Variants in SEC14L1 observed in about 807,000 individuals in gnomAD.
SEC14L1 encodes SEC14 like lipid binding 1, also known as SEC14-like protein 1.
In SEC14L1, 48 loss-of-function variants were observed where a neutral mutation model predicts 85.3. The observed-to-expected ratio is 0.56, with a 90% confidence interval of 0.45 to 0.72. SEC14L1 has a LOEUF of 0.72. Among genes scored for constraint, SEC14L1 ranks in the 30% least tolerant of loss-of-function variants. The probability of loss-of-function intolerance (pLI) is 0.00; values close to 1 mark genes in which losing one functional copy is unlikely to be tolerated. For missense variants in SEC14L1, 682 were observed against 921.4 expected (o/e 0.74, Z 3.36); for synonymous variants, 391 against 355.5 (o/e 1.10, Z -1.12).
chr17:77,185,161 A>G lies in SEC14L1; in HGVS notation c.64-5642A>G, dbSNP rs572299870. ...TTTGGACAAGGACTTTGTTTTAGGC[A>G]TTGAAGTCCTCGTTCTCCTGAGGAT... On this transcript the variant is annotated intron_variant, in intron 3 of 16. Coordinates refer to ENST00000436233, the MANE Select transcript of SEC14L1 (RefSeq NM_001143998.2). 16 of 958,404 alleles carry G rather than the reference A, an allele frequency of 1.7e-5. 1 individual carries two copies. In the South Asian group the frequency reaches 5.8e-4, roughly 35 times the overall value. 59.4% of individuals were successfully genotyped at this position (958,404 alleles called of 1,614,324 possible).
intron 3 of SEC14L1, chr17:77,094,680 G>A (rs1250210996): frequency 6.6e-6 from 1 of 151,952 alleles, no homozygotes; most frequent in Non-Finnish European, 1.5e-5. Context: ...TGGCCAGGCT[G>A]GTCTTGAACT....
chr17:77,213,830 G>T lies in SEC14L1; in HGVS notation c.2043-88G>T, dbSNP rs2054567521. The T allele has an allele frequency of 1.3e-6, 2 of 1,502,144 alleles. No homozygotes were observed. The allele number at this position is 1,502,144 out of a possible 1,614,324, so 93.1% of individuals were successfully genotyped here. ...GGATGAGAAGTGAGCAGAGAACAGG[G>T]TGGGCCACGAAGTCCAGCAGGCAGT... On this transcript the variant is annotated intron_variant, in intron 16 of 16. Transcript: ENST00000436233. This position sits in a 1 kb window ranked among gnomAD's most constrained non-coding sequence, Gnocchi z 7.1.
chr17:77,215,351 C>T lies in SEC14L1; in HGVS notation c.*1328C>T, dbSNP rs1357298401. The T allele has an allele frequency of 9.1e-6, 9 of 985,284 alleles. No individual in the cohort carries two copies. The East Asian group carries it at 3.4e-4, about 37-fold the overall frequency. 61.0% of individuals were successfully genotyped at this position (985,284 alleles called of 1,614,324 possible). The stretch of plus-strand genomic sequence containing the variant: ...GCCTCCACGATAAGGACATGCAACA[C>T]GTGTTTCTGTGTGCAGCAGAGGCCG... On this transcript the variant is annotated 3_prime_UTR_variant, in exon 17 of 17. Transcript: ENST00000436233.
intron 3 of SEC14L1, among the ~76,000 whole-genome samples, chr17:77,178,063 C>T (rs1262765391): frequency 1.4e-5 from 2 of 148,128 alleles, no homozygotes; most frequent in Non-Finnish European, 3.0e-5. Context: ...CCTCCCCCCC[C>T]CCTTTTTTTT....
intron 3 of SEC14L1, among the ~76,000 whole-genome samples, chr17:77,101,903 C>A (rs1971787864): frequency 6.6e-6 from 1 of 152,180 alleles, no homozygotes; most frequent in Non-Finnish European, 1.5e-5. Context: ...GTCACCATTT[C>A]TTGTAGTTTA....
rs34186028 is a variant in SEC14L1 at position 77,158,798 on chromosome 17, C to CTTTTTTTTTTTTTTTTTTTTTTTTTT, written c.63+15147_63+15172dup. On this transcript the variant is annotated intron_variant, in intron 3 of 16. Coordinates refer to ENST00000436233, the MANE Select transcript of SEC14L1 (RefSeq NM_001143998.2). ...CAATTACATTTTATAGCTTTCTTTC[C>CTTTTTTTTTTTTTTTTTTTTTTTTTT]TTTTTTTTTTTTTTTTTTTTTTTTT... 2.3e-4 allele frequency among the ~76,000 whole-genome samples: 9 copies of CTTTTTTTTTTTTTTTTTTTTTTTTTT among 39,188 alleles called. 4 individuals are homozygous for CTTTTTTTTTTTTTTTTTTTTTTTTTT. The highest frequency in any genetic ancestry group is 2.2e-4 in the African/African-American group (2 of 8,940). 25.7% of individuals were successfully genotyped at this position (39,188 alleles called of 152,430 possible).
At chr17:77,121,434 C>G (rs1972294146) in intron 3 of SEC14L1, among the ~76,000 whole-genome samples, 1 of 152,224 alleles carries the variant, frequency 6.6e-6, no homozygotes, top group African/African-American at 2.4e-5. Flanking sequence ...TCTCGGCTCA[C>G]TGTAACCTCT....
chr17:77,102,830 C>G (rs950152710), intron 3 of SEC14L1, among the ~76,000 whole-genome samples: 2 of 152,054 alleles, frequency 1.3e-5, no homozygotes, highest in African/African-American at 4.8e-5. Context: ...AAGACAGAGT[C>G]TTACTTTGTG....
intron 3 of SEC14L1, among the ~76,000 whole-genome samples, chr17:77,179,779 A>G (rs372478174): frequency 1.3e-5 from 2 of 151,636 alleles, no homozygotes; most frequent in South Asian, 2.1e-4. Flanking sequence ...GGTTCATGCC[A>G]TTCTCCTGCC....
At chr17:77,126,113 T>C (rs1182573593) in intron 3 of SEC14L1, among the ~76,000 whole-genome samples, 2 of 152,232 alleles carry the variant, frequency 1.3e-5, no homozygotes, top group Non-Finnish European at 2.9e-5. Context: ...ATCGCACCAC[T>C]GCACTCCATC....
At chr17:77,115,301 C>T (rs570925044) in intron 3 of SEC14L1, among the ~76,000 whole-genome samples, 31 of 151,732 alleles carry the variant, frequency 2.0e-4, no homozygotes, top group South Asian at 4.2e-4. Context: ...TGGTGGTGTG[C>T]GCCTGTAATC....
intron 3 of SEC14L1, among the ~76,000 whole-genome samples, chr17:77,127,415 T>C (rs1972482440): frequency 6.6e-6 from 1 of 152,182 alleles, no homozygotes; most frequent in African/African-American, 2.4e-5. Context: ...AGTGGCGCGA[T>C]CTCAGCTCAC....
rs569174953 is a variant in SEC14L1 at position 77,133,345 on chromosome 17, C to T, written c.-135-9301C>T. Among the ~76,000 whole-genome samples the T allele has an allele frequency of 4.6e-5, 7 of 152,348 alleles. No individual in the cohort carries two copies. In the South Asian group the frequency reaches 1.0e-3, roughly 23 times the overall value. ...TACCTCAGGTTAATCCTGCCGGGGG[C>T]GGGAATGTGTCCTGCCACGATGCTT... On this transcript the variant is annotated intron_variant, in intron 3 of 19. Coordinates refer to the SEC14L1 transcript ENST00000392476.
rs147128732 is a variant in SEC14L1, at chr17:77,159,137, G to C, written c.63+15478G>C. ...GCTGGAGTGCAGGGGCACAATTTTGGCTCACTGCAGCCTCCACCTCCTGGG... is the reference window on the plus strand; with the variant it reads ...GCTGGAGTGCAGGGGCACAATTTTGCCTCACTGCAGCCTCCACCTCCTGGG... On this transcript the variant is annotated intron_variant, in intron 3 of 16. Coordinates refer to ENST00000436233, the MANE Select transcript of SEC14L1 (RefSeq NM_001143998.2). Among the ~76,000 whole-genome samples, 562 of 133,944 alleles carry C rather than the reference G, an allele frequency of 4.2e-3. 4 individuals carry two copies. Among genetic ancestry groups the C allele is most frequent in the African/African-American group, 0.015 (541 of 34,934 alleles). The allele number at this position is 133,944 out of a possible 152,430, so 87.9% of individuals were successfully genotyped here.
chr17:77,089,268 C>G (rs1475455567), exon 2 of SEC14L1: 2 of 412,418 alleles, frequency 4.8e-6, no homozygotes, highest in Non-Finnish European at 9.6e-6. Flanking sequence ...AGCAGGGCAT[C>G]CAGGTATGTC....
intron 9 of SEC14L1, among the ~76,000 whole-genome samples, chr17:77,202,573 C>T (rs972773630): frequency 4.0e-5 from 6 of 151,782 alleles, no homozygotes; most frequent in East Asian, 1.9e-4. Flanking sequence ...GAGCCGAGAT[C>T]GTGCCAGTGC....
chr17:77,154,271 G>A (rs1973702737), intron 3 of SEC14L1, among the ~76,000 whole-genome samples: 1 of 152,056 alleles, frequency 6.6e-6, no homozygotes, highest in South Asian at 2.1e-4. Context: ...AGTAGTTTGA[G>A]ACTAGCCTGG....
chr17:77,164,485 T>C (rs918637046), intron 3 of SEC14L1, among the ~76,000 whole-genome samples: 3 of 152,154 alleles, frequency 2.0e-5, no homozygotes, highest in African/African-American at 7.2e-5. Context: ...TTCCCAGCGC[T>C]CCCCCTTTGT....
At chr17:77,103,153 T>A (rs751148278) in intron 3 of SEC14L1, among the ~76,000 whole-genome samples, 2 of 151,648 alleles carry the variant, frequency 1.3e-5, no homozygotes, top group Non-Finnish European at 2.9e-5. Context: ...TCCTCTGTAG[T>A]CCGGTCTGGA....
Sources: allele counts gnomAD v4.1 joint callset (sites outside exome capture counted in the v4.1 genomes callset), GRCh38; gene constraint gnomAD v4.1.1; non-coding constraint Gnocchi (gnomAD v3.1); transcripts MANE v1.5; gene names NCBI Gene and HGNC (gene_info 2026-07-23, HGNC 2026-07-21).